Variants in PXDNL observed in about 807,000 individuals in gnomAD.
PXDNL encodes peroxidasin like.
Under a neutral mutation model 150.8 loss-of-function variants are expected in PXDNL, and 145 were observed. The ratio of observed to expected loss-of-function variants is 0.96; its 90% confidence interval spans 0.84 to 1.10. The LOEUF is 1.10. PXDNL is among the 50% of genes least tolerant of loss of function. The pLI is 0.00. For missense variants in PXDNL, 2,087 were observed against 1,873.9 expected (o/e 1.11, Z -2.10); for synonymous variants, 757 against 725.7 (o/e 1.04, Z -0.69).
chr8:51,322,543 G>C (rs2130604413), intron 21 of PXDNL, among the ~76,000 whole-genome samples: 1 of 152,186 alleles, frequency 6.6e-6, no homozygotes, highest in East Asian at 1.9e-4. Context: ...ACATCACAAT[G>C]ATCACTCCTG....
At chr8:51,328,460 C>T (rs1320589318) in intron 21 of PXDNL, among the ~76,000 whole-genome samples, 1 of 152,156 alleles carries the variant, frequency 6.6e-6, no homozygotes. Flanking sequence ...TCCACCAATT[C>T]TAATGCTAAT....
intron 21 of PXDNL, among the ~76,000 whole-genome samples, chr8:51,327,969 G>A (rs1438669456): frequency 1.3e-5 from 2 of 152,258 alleles, no homozygotes; most frequent in Non-Finnish European, 1.5e-5. Context: ...GGAACACCCT[G>A]ATGGTTAGTT....
intron 19 of PXDNL, among the ~76,000 whole-genome samples, chr8:51,369,383 G>T (rs950676996): frequency 6.6e-6 from 1 of 152,202 alleles, no homozygotes; most frequent in South Asian, 2.1e-4. Flanking sequence ...TGTTAATTGG[G>T]AAGTGTAAGA....
intron 1 of PXDNL, among the ~76,000 whole-genome samples, chr8:51,671,656 T>G (rs1815501290): frequency 6.6e-6 from 1 of 152,182 alleles, no homozygotes; most frequent in South Asian, 2.1e-4. Context: ...CTCTCCAGAC[T>G]GCTCCCCCAG....
At chr8:51,497,321 C>T (rs1407225565) in intron 5 of PXDNL, among the ~76,000 whole-genome samples, 2 of 152,124 alleles carry the variant, frequency 1.3e-5, no homozygotes, top group African/African-American at 4.8e-5. Flanking sequence ...AGACCCAAAA[C>T]ATAAAAACCC....
At chr8:51,360,810 C>T (rs1806709366) in intron 19 of PXDNL, among the ~76,000 whole-genome samples, 1 of 152,222 alleles carries the variant, frequency 6.6e-6, no homozygotes, top group African/African-American at 2.4e-5. Context: ...ACCAATCTGG[C>T]TGTTTCTGTA....
chr8:51,544,183 T>C (rs1167345011), intron 4 of PXDNL, among the ~76,000 whole-genome samples: 1 of 152,210 alleles, frequency 6.6e-6, no homozygotes, highest in Non-Finnish European at 1.5e-5. Context: ...GTCTGATCAT[T>C]TTAAAGTATG....
At position 51,560,242 on chromosome 8, in the gene PXDNL, A is replaced by G. The variant is rs571130166; in HGVS notation, c.309-3331T>C. ...TCGTTAAAATGTCAATACTACTCAA[A>G]GTGATCTAAAAATTTAATACAATCC... is the stretch of plus-strand genomic sequence containing the variant. On this transcript the variant is annotated intron_variant, in intron 3 of 22. Transcript: ENST00000356297. 2.0e-5 allele frequency among the ~76,000 whole-genome samples: 3 copies of G among 152,094 alleles called. No individual in the cohort carries two copies. The South Asian group carries it at 6.2e-4, about 32-fold the overall frequency.
chr8:51,346,207 C>G (rs1806152777), intron 19 of PXDNL, among the ~76,000 whole-genome samples: 2 of 152,136 alleles, frequency 1.3e-5, no homozygotes, highest in Admixed American at 6.6e-5. Flanking sequence ...TGGAGGAGCC[C>G]CAGGCAGAGT....
intron 9 of PXDNL, among the ~76,000 whole-genome samples, chr8:51,454,612 T>C (rs1809885679): frequency 6.6e-6 from 1 of 152,168 alleles, no homozygotes; most frequent in Non-Finnish European, 1.5e-5. Flanking sequence ...TGCTAAGGTG[T>C]TAAAAATGCC....
intron 4 of PXDNL, among the ~76,000 whole-genome samples, chr8:51,553,282 G>A (rs1812531095): frequency 1.3e-5 from 2 of 152,098 alleles, no homozygotes; most frequent in Admixed American, 6.6e-5. Context: ...CAATAGTTCT[G>A]GGATCTTGGT....
chr8:51,592,308 G>A (rs926073391), intron 3 of PXDNL, among the ~76,000 whole-genome samples: 5 of 152,174 alleles, frequency 3.3e-5, no homozygotes, highest in South Asian at 4.1e-4. Flanking sequence ...TTTTCTGTGT[G>A]TATGGAATTT....
intron 21 of PXDNL, among the ~76,000 whole-genome samples, chr8:51,332,754 A>G (rs61563826): frequency 7.2e-4 from 110 of 152,320 alleles, no homozygotes; most frequent in African/African-American, 2.6e-3. Context: ...CTCGAAGACA[A>G]GGTCTTTGAA....
intron 5 of PXDNL, among the ~76,000 whole-genome samples, chr8:51,486,770 ATATATATATATATATATATATATATTTTT>A (rs1810752930): frequency 2.7e-4 from 2 of 7,282 alleles, no homozygotes; most frequent in African/African-American, 5.7e-4. Context: ...ATATATATAT[ATATATATATATATATATATATATATTTTT>A]TTTTTTTTTT....
chr8:51,499,937 G>A (rs182044169), intron 4 of PXDNL, among the ~76,000 whole-genome samples, 167 bp from the exon 5 acceptor site: 230 of 152,130 alleles, frequency 1.5e-3, no homozygotes, highest in Admixed American at 3.1e-3. Context: ...TCTTCTGTTC[G>A]TCACAGTCCC....
At chr8:51,520,805 A>C (rs1787681175) in intron 4 of PXDNL, among the ~76,000 whole-genome samples, 1 of 152,146 alleles carries the variant, frequency 6.6e-6, no homozygotes, top group African/African-American at 2.4e-5. Flanking sequence ...CTCGAACAAA[A>C]AAAAAACTTA....
At chr8:51,730,012 G>T (rs1816886959) in intron 1 of PXDNL, among the ~76,000 whole-genome samples, 1 of 152,192 alleles carries the variant, frequency 6.6e-6, no homozygotes, top group South Asian at 2.1e-4. Flanking sequence ...AGGACTTTTA[G>T]GGCAGGGAAA....
chr8:51,575,876 A>T (rs1585591587), intron 3 of PXDNL, among the ~76,000 whole-genome samples: 3 of 152,200 alleles, frequency 2.0e-5, no homozygotes, highest in Admixed American at 2.0e-4. Flanking sequence ...GGTTCTATTA[A>T]TATCAGATAA....
At chr8:51,578,772 A>G (rs1350442289) in intron 3 of PXDNL, among the ~76,000 whole-genome samples, 2 of 152,110 alleles carry the variant, frequency 1.3e-5, no homozygotes, top group East Asian at 1.9e-4. Flanking sequence ...ATATAGGTAA[A>G]TGTAATAAAA....
Sources: gnomAD v4.1 joint callset for allele counts (sites outside exome capture counted in the v4.1 genomes callset) on GRCh38, gnomAD v4.1.1 for gene constraint, MANE v1.5 for transcripts, NCBI Gene and HGNC (gene_info 2026-07-23, HGNC 2026-07-21) for gene names.